Variants in PAG1 observed in about 807,000 individuals in gnomAD.
The protein encoded by PAG1 is phosphoprotein associated with glycosphingolipid-enriched microdomains 1.
In PAG1, 23 loss-of-function variants were observed where a neutral mutation model predicts 31.7. The observed-to-expected ratio is 0.73, with a 90% CI of 0.52 to 1.03. PAG1 has a LOEUF of 1.03. Among genes scored for constraint, PAG1 ranks in the 50% least tolerant of loss-of-function variants. PAG1 has a pLI of 0.00. For synonymous variants in PAG1, 214 were observed against 210.3 expected (o/e 1.02, Z -0.15); for missense variants, 473 against 540.7 (o/e 0.87, Z 1.24).
At chr8:81,026,619 T>C (rs1808283069) in intron 3 of PAG1, among the ~76,000 whole-genome samples, 1 of 151,888 alleles carries the variant, frequency 6.6e-6, no homozygotes, top group South Asian at 2.1e-4. Context: ...CAGCTGTCAC[T>C]GGTGTGTGCT....
At chr8:81,046,880 G>T (rs1436936145) in intron 2 of PAG1, among the ~76,000 whole-genome samples, 1 of 152,012 alleles carries the variant, frequency 6.6e-6, no homozygotes, top group Non-Finnish European at 1.5e-5. Flanking sequence ...AGTATAGGCT[G>T]TTCCCCCCAT....
At chr8:81,093,209 G>A (rs1809475886) in intron 1 of PAG1, among the ~76,000 whole-genome samples, 1 of 152,160 alleles carries the variant, frequency 6.6e-6, no homozygotes, top group South Asian at 2.1e-4. Context: ...CCCCAGGTAA[G>A]GCATCTACCT....
At chr8:81,052,061 C>A (rs941540117) in intron 2 of PAG1, among the ~76,000 whole-genome samples, 2 of 147,790 alleles carry the variant, frequency 1.4e-5, no homozygotes, top group Non-Finnish European at 3.0e-5. Flanking sequence ...ACCCGGGAGG[C>A]GGAGCTTGCG....
chr8:80,985,303 C>T lies in PAG1; in HGVS notation c.349G>A (p.Asp117Asn). ...EVQTSASDLL[D>N]SQDSTGKPKC... Reference sequence around the variant, plus strand: ...GGTTTCCCTGTGCTGTCCTGGGAATCCAGCAGATCCGAGGCCGATGTCTGG... The same window carrying T: ...GGTTTCCCTGTGCTGTCCTGGGAATTCAGCAGATCCGAGGCCGATGTCTGG... Residue 117 changes from aspartate (D) to asparagine (N), a missense_variant, in exon 7 of 9, where the codon GAT (aspartate) becomes AAT (asparagine). Asp to Asn is a conservative substitution (Grantham distance 23). Transcript: ENST00000220597. 1 of 1,614,172 alleles carries T rather than the reference C, an allele frequency of 6.2e-7. No homozygotes were observed. The highest frequency in any genetic ancestry group is 8.5e-7 in the Non-Finnish European group (1 of 1,180,032).
chr8:80,995,984 T>C (rs1417578490), intron 3 of PAG1, among the ~76,000 whole-genome samples: 1 of 152,244 alleles, frequency 6.6e-6, no homozygotes, highest in Non-Finnish European at 1.5e-5. Context: ...CCCCTTCAAT[T>C]AGAATTGTCT....
chr8:81,019,531 C>T (rs1013815936), intron 3 of PAG1, among the ~76,000 whole-genome samples: 2 of 152,238 alleles, frequency 1.3e-5, no homozygotes, highest in African/African-American at 2.4e-5. Flanking sequence ...ACAGCTCAGG[C>T]CCTTGCTTCA....
chr8:80,978,316 CAAG>C (rs1807225195), intron 8 of PAG1, among the ~76,000 whole-genome samples: 1 of 152,106 alleles, frequency 6.6e-6, no homozygotes. Context: ...TCTCAGAATA[CAAG>C]AATTATAATT....
chr8:81,094,499 A>G (rs1199126009), intron 1 of PAG1, among the ~76,000 whole-genome samples: 1 of 152,168 alleles, frequency 6.6e-6, no homozygotes, highest in Admixed American at 6.5e-5. Flanking sequence ...GTGAGGCCTA[A>G]TGGTTGGGTT....
chr8:81,006,426 C>T (rs997903581), intron 3 of PAG1, among the ~76,000 whole-genome samples: 1 of 152,194 alleles, frequency 6.6e-6, no homozygotes, highest in Non-Finnish European at 1.5e-5. Flanking sequence ...CCCTTTCCAT[C>T]TCACTGGTTC....
intron 1 of PAG1, among the ~76,000 whole-genome samples, chr8:81,081,776 G>T (rs1430433040): frequency 6.6e-6 from 1 of 151,310 alleles, no homozygotes; most frequent in Non-Finnish European, 1.5e-5. Flanking sequence ...TTTTATTGTG[G>T]AGTAGTATTC....
In PAG1 at chr8:80,990,972, C is replaced by T. The variant is rs1046886594; in HGVS notation, c.177+507G>A. ...TCTTTATAAAATGGGGAAACTTGGACACAGCCAGCCATACATAGATGGGAG... is the reference window on the plus strand; with the variant it reads ...TCTTTATAAAATGGGGAAACTTGGATACAGCCAGCCATACATAGATGGGAG... On this transcript the variant is annotated intron_variant, in intron 5 of 8. Coordinates refer to ENST00000220597, the MANE Select transcript of PAG1 (RefSeq NM_018440.4). This position sits in a 1 kb window ranked among gnomAD's most constrained non-coding sequence, Gnocchi z 5.1. Among the ~76,000 whole-genome samples, 1 of 146,912 alleles carries T rather than the reference C, an allele frequency of 6.8e-6. No homozygotes were observed. Among genetic ancestry groups the T allele is most frequent in the African/African-American group, 2.6e-5 (1 of 37,830 alleles).
chr8:81,082,754 A>C (rs955711197), intron 1 of PAG1, among the ~76,000 whole-genome samples: 1 of 152,058 alleles, frequency 6.6e-6, no homozygotes, highest in South Asian at 2.1e-4. Context: ...TAGGTTCTTC[A>C]TTATATTTCT....
At chr8:81,060,838 T>A (rs1187799207) in intron 2 of PAG1, among the ~76,000 whole-genome samples, 1 of 152,218 alleles carries the variant, frequency 6.6e-6, no homozygotes, top group African/African-American at 2.4e-5. Context: ...AAAGCTGTTT[T>A]TTGTTTTACC....
At chr8:81,110,429 T>A (rs187351995) in intron 1 of PAG1, among the ~76,000 whole-genome samples, 7 of 152,282 alleles carry the variant, frequency 4.6e-5, no homozygotes, top group African/African-American at 1.7e-4. Flanking sequence ...TAAACATCAA[T>A]GATGATAATC....
intron 3 of PAG1, among the ~76,000 whole-genome samples, chr8:81,021,566 T>C (rs113738808): frequency 0.011 from 1,617 of 148,356 alleles, 35 homozygotes; most frequent in African/African-American, 0.038. Flanking sequence ...GTGTGTGTGA[T>C]AGAGAGAGAG....
chr8:81,004,816 T>C (rs990090906), intron 3 of PAG1, among the ~76,000 whole-genome samples: 4 of 152,136 alleles, frequency 2.6e-5, no homozygotes, highest in Admixed American at 2.6e-4. Context: ...CTGTCCCCAA[T>C]GTGTCTGGTG....
At chr8:81,052,738 T>C (rs1808753854) in intron 2 of PAG1, among the ~76,000 whole-genome samples, 2 of 152,246 alleles carry the variant, frequency 1.3e-5, no homozygotes, top group Admixed American at 6.5e-5. Flanking sequence ...CCCAAATCCC[T>C]GTGCTACACA....
At chr8:81,095,235 G>GACAGAGT (rs1363517722) in intron 1 of PAG1, among the ~76,000 whole-genome samples, 5 of 152,196 alleles carry the variant, frequency 3.3e-5, no homozygotes, top group Admixed American at 6.5e-5. Flanking sequence ...GAGGACAGAG[G>GACAGAGT]ACAAAAGAGG....
chr8:80,982,077 G>GCTGGTTTCAAACAC (rs535625195), intron 7 of PAG1, among the ~76,000 whole-genome samples: 132 of 151,962 alleles, frequency 8.7e-4, no homozygotes, highest in Non-Finnish European at 1.7e-3. Context: ...CATTGCCCAG[G>GCTGGTTTCAAACAC]CTGGTTTCAA....
Sources: allele counts gnomAD v4.1 joint callset (sites outside exome capture counted in the v4.1 genomes callset), GRCh38; gene constraint gnomAD v4.1.1; non-coding constraint Gnocchi (gnomAD v3.1); transcripts MANE v1.5; gene names NCBI Gene and HGNC (gene_info 2026-07-23, HGNC 2026-07-21).